SULF1: variants seen among roughly 807,000 people sequenced by gnomAD.
The protein encoded by SULF1 is sulfatase 1, also known as extracellular sulfatase Sulf-1.
A neutral mutation model predicts 110.5 loss-of-function variants in SULF1; 46 were observed. The observed-to-expected ratio is 0.42, with a 90% CI of 0.33 to 0.53. The LOEUF is 0.53. Among genes scored for constraint, SULF1 ranks in the 20% least tolerant of loss-of-function variants. The pLI is 0.12. For missense variants in SULF1, 941 were observed against 1,094.2 expected, an observed-to-expected ratio of 0.86 and a Z score of 1.98; for synonymous variants, 371 against 387.1, an observed-to-expected ratio of 0.96 and a Z score of 0.49.
At chr8:69,476,477 C>A (rs774772210) in intron 1 of SULF1, among the ~76,000 whole-genome samples, 5 of 152,284 alleles carry the variant, frequency 3.3e-5, no homozygotes, top group East Asian at 1.9e-4. Context: ...TTGGAGGCAG[C>A]ATGACTGAAA....
At chr8:69,473,463 A>G (rs1460166853) in intron 1 of SULF1, 1 of 152,238 alleles carries the variant, frequency 6.6e-6, no homozygotes, top group Non-Finnish European at 1.5e-5. Context: ...AAATTCTAAA[A>G]TAAAGTTAGA....
rs148289476 is a variant in SULF1, at chr8:69,642,175, T to G, written c.2585+1334T>G. The G allele has an allele frequency of 7.9e-4, 718 of 910,580 alleles. 4 individuals are homozygous for G. In the African/African-American group the frequency reaches 0.011, roughly 14 times the overall value. The allele number at this position is 910,580 out of a possible 1,614,324, so 56.4% of individuals were successfully genotyped here. A position where few individuals can be genotyped will look rare whatever the true frequency, so the allele number is the denominator to read the frequency against. ...ATATTAATATCTTCTTTATCTATAT[T>G]AATATCTTCTTCATCTGTATTAATA... On this transcript the variant is annotated intron_variant, in intron 22 of 22. Transcript: ENST00000402687.
chr8:69,588,660 A>G (rs1489620574), intron 7 of SULF1, among the ~76,000 whole-genome samples: 7 of 152,224 alleles, frequency 4.6e-5, no homozygotes, highest in Non-Finnish European at 7.4e-5. Context: ...GTGTTCTAGT[A>G]CTTTTATCGC....
chr8:69,468,025 C>T (rs1250272976), intron 1 of SULF1, among the ~76,000 whole-genome samples: 6 of 152,108 alleles, frequency 3.9e-5, no homozygotes, highest in Admixed American at 1.3e-4. Flanking sequence ...TCTATTTTCA[C>T]AGGGATCAAA....
At chr8:69,534,022 A>G (rs1448825888) in intron 3 of SULF1, among the ~76,000 whole-genome samples, 1 of 152,234 alleles carries the variant, frequency 6.6e-6, no homozygotes, top group African/African-American at 2.4e-5. Context: ...AGTTATGATA[A>G]TGACAAAAAA....
intron 3 of SULF1, among the ~76,000 whole-genome samples, chr8:69,526,212 T>G (rs1340815137): frequency 6.6e-6 from 1 of 152,072 alleles, no homozygotes; most frequent in Non-Finnish European, 1.5e-5. Context: ...CATCTTGAGT[T>G]CAACGAAACC....
At position 69,506,993 on chromosome 8, in the gene SULF1, G is replaced by A. The variant is rs116287871; in HGVS notation, c.-134+5025G>A. On this transcript the variant is annotated intron_variant, in intron 3 of 22. Transcript: ENST00000402687. ...GCTCTCAGGAAGGGCCTAAGGGGCCGTGCTCACATGAAACTATTTCCCCAA... is the reference window on the plus strand; with the variant it reads ...GCTCTCAGGAAGGGCCTAAGGGGCCATGCTCACATGAAACTATTTCCCCAA... Among the ~76,000 whole-genome samples the A allele has an allele frequency of 3.2e-3, 487 of 152,326 alleles. 4 individuals are homozygous for A. Among genetic ancestry groups the A allele is most frequent in the African/African-American group, 0.011 (447 of 41,586 alleles).
chr8:69,588,764 C>G (rs985809746), intron 7 of SULF1, among the ~76,000 whole-genome samples: 2 of 152,100 alleles, frequency 1.3e-5, no homozygotes, highest in African/African-American at 4.8e-5. Flanking sequence ...TCGTATGTTA[C>G]CAAGCTAGCA....
chr8:69,633,564 T>C (rs1586600496), intron 19 of SULF1, among the ~76,000 whole-genome samples: 1 of 151,972 alleles, frequency 6.6e-6, no homozygotes, highest in African/African-American at 2.4e-5. Flanking sequence ...TGAGATCACC[T>C]GACCTCAGGT....
chr8:69,657,456 T>A (rs927615497), intron 22 of SULF1, among the ~76,000 whole-genome samples: 1 of 152,210 alleles, frequency 6.6e-6, no homozygotes, highest in Non-Finnish European at 1.5e-5. Flanking sequence ...CCAGGAATCT[T>A]TACAGTATTT....
intron 13 of SULF1, among the ~76,000 whole-genome samples, chr8:69,618,284 G>A (rs541476655): frequency 3.3e-5 from 5 of 152,042 alleles, no homozygotes; most frequent in Non-Finnish European, 7.4e-5. Flanking sequence ...CTACATCTGT[G>A]GGTTCAACCA....
chr8:69,642,421 A>AT, intron 22 of SULF1: 11 of 985,930 alleles, frequency 1.1e-5, no homozygotes, highest in Non-Finnish European at 1.3e-5. Context: ...TCTTTTTTCT[A>AT]TTTTCTCTTG....
chr8:69,638,329 C>A (rs1036448792), intron 19 of SULF1, 173 bp from the exon 20 acceptor site: 32 of 750,880 alleles, frequency 4.3e-5, no homozygotes, highest in African/African-American at 4.1e-4. Context: ...AGTTTCACAG[C>A]AAATTTACCT....
chr8:69,612,664 C>G lies in SULF1; in HGVS notation c.1377+7732C>G, dbSNP rs189400802. 4.2e-3 allele frequency among the ~76,000 whole-genome samples: 640 copies of G among 152,172 alleles called. 4 individuals are homozygous for G. Among genetic ancestry groups the G allele is most frequent in the Admixed American group, 5.9e-3 (90 of 15,270 alleles). The stretch of plus-strand genomic sequence containing the variant: ...TTGTGTATCTTCTTTTGAGAATTGT[C>G]TATTCATTTCTTTACCCTACATTTT... On this transcript the variant is annotated intron_variant, in intron 13 of 22. Transcript: ENST00000402687.
At chr8:69,631,920 A>G (rs906589966) in intron 19 of SULF1, among the ~76,000 whole-genome samples, 4 of 152,240 alleles carry the variant, frequency 2.6e-5, no homozygotes, top group Non-Finnish European at 5.9e-5. Flanking sequence ...TTGTAATCAT[A>G]GTTTTTTTGA....
At chr8:69,562,413 A>G (rs1277091810) in intron 3 of SULF1, among the ~76,000 whole-genome samples, 1 of 152,216 alleles carries the variant, frequency 6.6e-6, no homozygotes, top group African/African-American at 2.4e-5. Flanking sequence ...ATCCAATGCC[A>G]GTTTATTGTT....
intron 1 of SULF1, among the ~76,000 whole-genome samples, chr8:69,482,083 A>G (rs1378404925): frequency 6.6e-6 from 1 of 152,186 alleles, no homozygotes; most frequent in Non-Finnish European, 1.5e-5. Context: ...CACATAAAAT[A>G]GCAAACTGTT....
intron 3 of SULF1, among the ~76,000 whole-genome samples, chr8:69,509,920 G>T (rs1811441116): frequency 6.6e-6 from 1 of 152,198 alleles, no homozygotes; most frequent in African/African-American, 2.4e-5. Flanking sequence ...CAGCTTTCTG[G>T]TTGTGAAAAT....
At chr8:69,637,497 G>GTAA (rs1811148447) in intron 19 of SULF1, 1 of 153,408 alleles carries the variant, frequency 6.5e-6, no homozygotes, top group African/African-American at 2.4e-5. Flanking sequence ...TGAAGAGCAA[G>GTAA]TAATACATTA....
Sources: allele counts gnomAD v4.1 joint callset (sites outside exome capture counted in the v4.1 genomes callset), GRCh38; gene constraint gnomAD v4.1.1; transcripts MANE v1.5; gene names NCBI Gene and HGNC (gene_info 2026-07-23, HGNC 2026-07-21).